The following DRC9 variants were observed in gnomAD, a reference collection of about 807,000 sequenced individuals.
DRC9 encodes the protein dynein regulatory complex protein 9.
chr3:197,900,297 G>A, the DRC9 span, among the ~76,000 whole-genome samples: 29,549 of 152,232 alleles, frequency 0.19, 4,556 homozygotes, highest in African/African-American at 0.43. The surrounding 1 kb of genome is among the most constrained non-coding windows in gnomAD (Gnocchi z 4.7). Context: ...TGGTGGTTAA[G>A]GGAGTGCTTG....
the DRC9 span, among the ~76,000 whole-genome samples, chr3:197,890,453 G>C: frequency 6.6e-6 from 1 of 151,888 alleles, no homozygotes; most frequent in Non-Finnish European, 1.5e-5. Flanking sequence ...ACTTTCATAG[G>C]CTTGCTTGTG....
the DRC9 span, among the ~76,000 whole-genome samples, chr3:197,929,579 C>T: frequency 6.6e-6 from 1 of 151,884 alleles, no homozygotes; most frequent in Non-Finnish European, 1.5e-5. This position sits in a 1 kb window ranked among gnomAD's most constrained non-coding sequence, Gnocchi z 4.6. Flanking sequence ...GGAGACTGGC[C>T]TGGGCAACAT....
the DRC9 span, among the ~76,000 whole-genome samples, chr3:197,908,009 T>G: frequency 6.8e-6 from 1 of 146,042 alleles, no homozygotes; most frequent in African/African-American, 2.6e-5. Context: ...CAGATGAAGT[T>G]ATCACAGGGG....
At chr3:197,904,331 C>A in the DRC9 span, among the ~76,000 whole-genome samples, 1 of 151,794 alleles carries the variant, frequency 6.6e-6, no homozygotes, top group Non-Finnish European at 1.5e-5. Context: ...AATCCTGGTA[C>A]GGTATTGGTT....
the DRC9 span, among the ~76,000 whole-genome samples, chr3:197,914,507 G>A: frequency 7.9e-5 from 12 of 152,322 alleles, no homozygotes; most frequent in Non-Finnish European, 1.6e-4. Context: ...TTGAGAACAC[G>A]TGTGAAAACG....
chr3:197,932,631 C>CAATA, the DRC9 span, among the ~76,000 whole-genome samples: 12,886 of 142,882 alleles, frequency 0.09, 766 homozygotes, highest in Admixed American at 0.14. Flanking sequence ...GACTCCGTCT[C>CAATA]AATAAATAAA....
the DRC9 span, among the ~76,000 whole-genome samples, chr3:197,914,482 G>A: frequency 6.6e-6 from 1 of 152,208 alleles, no homozygotes; most frequent in Non-Finnish European, 1.5e-5. Context: ...CTCAGAGAGT[G>A]ATTATTAGGT....
At chr3:197,900,447 G>A in the DRC9 span, among the ~76,000 whole-genome samples, 2,931 of 152,194 alleles carry the variant, frequency 0.019, 39 homozygotes, top group Non-Finnish European at 0.031. The surrounding 1 kb of genome is among the most constrained non-coding windows in gnomAD (Gnocchi z 4.7). Context: ...AGAGCACTGG[G>A]CAGAGGACAC....
At chr3:197,889,880 C>G in the DRC9 span, among the ~76,000 whole-genome samples, 6 of 152,184 alleles carry the variant, frequency 3.9e-5, no homozygotes, top group Admixed American at 3.9e-4. Flanking sequence ...GCTCTCCTGT[C>G]GTGCAGGACC....
At chr3:197,905,393 GAA>G in the DRC9 span, among the ~76,000 whole-genome samples, 3 of 152,010 alleles carry the variant, frequency 2.0e-5, no homozygotes, top group South Asian at 4.2e-4. Flanking sequence ...ATTAGAAAAA[GAA>G]AAGAGTTTAA....
At chr3:197,922,731 AATAAATAAATAAATAT>A in the DRC9 span, among the ~76,000 whole-genome samples, 1 of 151,208 alleles carries the variant, frequency 6.6e-6, no homozygotes, top group African/African-American at 2.4e-5. Flanking sequence ...TAAATAAATA[AATAAATAAATAAATAT>A]CTTCTATTTT....
At chr3:197,936,481 C>T in the DRC9 span, among the ~76,000 whole-genome samples, 1 of 152,234 alleles carries the variant, frequency 6.6e-6, no homozygotes, top group East Asian at 1.9e-4. Context: ...CCTCCCACCT[C>T]AGCCTCCAGA....
At chr3:197,901,299 G>A in the DRC9 span, among the ~76,000 whole-genome samples, 25 of 152,266 alleles carry the variant, frequency 1.6e-4, no homozygotes, top group South Asian at 1.5e-3. This position sits in a 1 kb window ranked among gnomAD's most constrained non-coding sequence, Gnocchi z 4.4. Flanking sequence ...CACCATGCCC[G>A]GCTAATGTCT....
At chr3:197,953,998 A>C in the DRC9 span, 1 of 1,612,490 alleles carries the variant, frequency 6.2e-7, no homozygotes, top group Non-Finnish European at 8.5e-7. Flanking sequence ...CCTTTTTAAA[A>C]TCAGCAACAC....
At chr3:197,936,018 C>T in the DRC9 span, among the ~76,000 whole-genome samples, 8 of 151,838 alleles carry the variant, frequency 5.3e-5, no homozygotes, top group South Asian at 2.1e-4. Context: ...GAGGCTGAGA[C>T]GGGCGGATCA....
At chr3:197,951,377 G>A in the DRC9 span, 10 of 1,536,606 alleles carry the variant, frequency 6.5e-6, no homozygotes, top group Non-Finnish European at 8.1e-6. Flanking sequence ...TTTATATAAC[G>A]GAGTCTTGCT....
At chr3:197,916,383 GA>G in the DRC9 span, 1 of 152,746 alleles carries the variant, frequency 6.5e-6, no homozygotes, top group Non-Finnish European at 1.5e-5. Context: ...CCAGGCTCAA[GA>G]AATCCTCCTG....
chr3:197,913,724 C>T, the DRC9 span: 4 of 805,826 alleles, frequency 5.0e-6, no homozygotes, highest in African/African-American at 3.4e-5. Flanking sequence ...CACGCATATC[C>T]TCATTTAGGC....
the DRC9 span, chr3:197,950,271 G>A: frequency 4.1e-6 from 5 of 1,230,502 alleles, no homozygotes; most frequent in Non-Finnish European, 2.0e-6. Flanking sequence ...ACCGGAGTAG[G>A]TTTGTTCCTG....
Sources: gnomAD v4.1 joint callset for allele counts (sites outside exome capture counted in the v4.1 genomes callset) on GRCh38, gnomAD v4.1.1 for gene constraint, Gnocchi (gnomAD v3.1) non-coding constraint, MANE v1.5 for transcripts, NCBI Gene and HGNC (gene_info 2026-07-23, HGNC 2026-07-21) for gene names.